Variants in SMYD3 observed in about 807,000 individuals in gnomAD.
SMYD3 encodes the protein histone-lysine N-methyltransferase SMYD3.
SMYD3 carries 36 observed loss-of-function variants against 57.7 expected under a neutral mutation model. That is an observed-to-expected ratio of 0.62 (90% CI 0.48 to 0.82). The LOEUF (loss-of-function observed/expected upper bound fraction) is 0.82, where lower values mean the gene tolerates loss of function less well. Ranked by LOEUF, SMYD3 falls within the 40% of genes least tolerant of loss-of-function variation. SMYD3 has a pLI of 0.00. For synonymous variants in SMYD3, 211 were observed against 195.0 expected (o/e 1.08, Z -0.68); for missense variants, 515 against 538.8 (o/e 0.96, Z 0.44).
chr1:246,313,816 A>G (rs1466255330), intron 5 of SMYD3, among the ~76,000 whole-genome samples: 2 of 152,254 alleles, frequency 1.3e-5, no homozygotes, highest in Non-Finnish European at 2.9e-5. Flanking sequence ...TATAGTTTAT[A>G]GCATAGAAAA....
chr1:246,236,373 A>G (rs10754498), intron 5 of SMYD3, among the ~76,000 whole-genome samples: 40,483 of 151,656 alleles, frequency 0.27, 6,095 homozygotes, highest in East Asian at 0.58. Flanking sequence ...GGGATTATAG[A>G]CACATCCCAC....
At chr1:246,260,035 A>G (rs1770009) in intron 5 of SMYD3, among the ~76,000 whole-genome samples, 41,291 of 152,084 alleles carry the variant, frequency 0.27, 6,344 homozygotes, top group East Asian at 0.58. Context: ...CTGCTGAACC[A>G]GGCAAGCAGG....
rs138243854 is a variant in SMYD3 at position 245,889,850 on chromosome 1, T to A, written c.813+25680A>T. On this transcript the variant is annotated intron_variant, in intron 8 of 11. Transcript: ENST00000490107. ...CTGACTTCAAATTATACTACAGAGC[T>A]ATAGTAACCAAAACAGCATGGTACT... 4.5e-4 allele frequency among the ~76,000 whole-genome samples: 69 copies of A among 152,262 alleles called. No homozygotes were observed. The East Asian group carries it at 7.5e-3, about 17-fold the overall frequency.
At chr1:246,005,955 G>A (rs757969311) in intron 5 of SMYD3, among the ~76,000 whole-genome samples, 5 of 152,148 alleles carry the variant, frequency 3.3e-5, no homozygotes, top group Non-Finnish European at 7.3e-5. Context: ...ATGAGATGTG[G>A]AGTTTGAGAA....
At chr1:245,867,789 C>T (rs2148506388) in intron 8 of SMYD3, among the ~76,000 whole-genome samples, 1 of 152,158 alleles carries the variant, frequency 6.6e-6, no homozygotes, top group South Asian at 2.1e-4. Context: ...AAGGTCTCAC[C>T]AAAGTGATAT....
At chr1:246,307,912 T>C (rs1228184052) in intron 5 of SMYD3, among the ~76,000 whole-genome samples, 1 of 152,182 alleles carries the variant, frequency 6.6e-6, no homozygotes, top group Non-Finnish European at 1.5e-5. Flanking sequence ...CACAAGGATC[T>C]AATCTCAACT....
intron 5 of SMYD3, among the ~76,000 whole-genome samples, chr1:246,046,020 G>A (rs896209546): frequency 1.3e-5 from 2 of 152,234 alleles, no homozygotes; most frequent in Non-Finnish European, 2.9e-5. Context: ...CTTTTACATT[G>A]TTGGTGGGAC....
At chr1:246,005,148 C>A (rs1386704501) in intron 5 of SMYD3, among the ~76,000 whole-genome samples, 3 of 152,134 alleles carry the variant, frequency 2.0e-5, no homozygotes, top group Non-Finnish European at 4.4e-5. Flanking sequence ...TGGGACTGGC[C>A]TAATTTTAAC....
chr1:245,961,462 G>A (rs1269815313), intron 5 of SMYD3, among the ~76,000 whole-genome samples: 1 of 152,074 alleles, frequency 6.6e-6, no homozygotes, highest in East Asian at 1.9e-4. Flanking sequence ...AAAGGAAGAT[G>A]CACAGCTGCA....
At chr1:246,443,160 T>C (rs1044590984) in intron 1 of SMYD3, among the ~76,000 whole-genome samples, 30 of 152,236 alleles carry the variant, frequency 2.0e-4, no homozygotes, top group African/African-American at 7.2e-4. Context: ...CTAAGAAATT[T>C]TCCTCAACCT....
chr1:246,298,907 G>A (rs761606723), intron 5 of SMYD3, among the ~76,000 whole-genome samples: 4 of 152,004 alleles, frequency 2.6e-5, no homozygotes, highest in East Asian at 1.9e-4. Flanking sequence ...TTACAAAGAG[G>A]CATTACTTAT....
intron 5 of SMYD3, among the ~76,000 whole-genome samples, chr1:246,087,070 TG>T (rs1462752484): frequency 6.6e-6 from 1 of 152,232 alleles, no homozygotes; most frequent in African/African-American, 2.4e-5. Flanking sequence ...TTCATTTTTA[TG>T]GCTGCATAGT....
chr1:246,150,205 C>A (rs1197239386), intron 5 of SMYD3, among the ~76,000 whole-genome samples: 1 of 152,190 alleles, frequency 6.6e-6, no homozygotes, highest in Admixed American at 6.5e-5. Flanking sequence ...AAATGTTACT[C>A]AAAGAAAGTA....
chr1:246,252,207 C>T (rs1471643237), intron 5 of SMYD3, among the ~76,000 whole-genome samples: 1 of 138,534 alleles, frequency 7.2e-6, no homozygotes, highest in Non-Finnish European at 1.6e-5. Context: ...CTGTGCCCGG[C>T]TTTAGTAGGT....
At chr1:246,377,867 A>T (rs2066305802) in intron 1 of SMYD3, among the ~76,000 whole-genome samples, 1 of 152,194 alleles carries the variant, frequency 6.6e-6, no homozygotes, top group Non-Finnish European at 1.5e-5. Context: ...AGGCAGCTGG[A>T]GGAATTTACA....
chr1:246,442,339 A>G (rs2103020338), intron 1 of SMYD3, among the ~76,000 whole-genome samples: 2 of 152,204 alleles, frequency 1.3e-5, no homozygotes, highest in East Asian at 3.9e-4. Flanking sequence ...GGCTGAGGTC[A>G]CGAGTTCAAG....
At chr1:246,413,274 A>G (rs1216186600) in intron 1 of SMYD3, among the ~76,000 whole-genome samples, 2 of 152,206 alleles carry the variant, frequency 1.3e-5, no homozygotes, top group Admixed American at 6.5e-5. Flanking sequence ...AAAGTCACAC[A>G]GTAAATAGTC....
At chr1:246,460,413 T>C (rs2067778872) in intron 1 of SMYD3, among the ~76,000 whole-genome samples, 1 of 152,256 alleles carries the variant, frequency 6.6e-6, no homozygotes. Flanking sequence ...ATCAATTTAC[T>C]TGTCCTGAGA....
At chr1:245,818,088 A>T (rs992801849) in intron 10 of SMYD3, among the ~76,000 whole-genome samples, 1 of 151,976 alleles carries the variant, frequency 6.6e-6, no homozygotes, top group Admixed American at 6.6e-5. Context: ...TCCAAGACAC[A>T]TAATTGTCAG....
Sources: gnomAD v4.1 joint callset for allele counts (sites outside exome capture counted in the v4.1 genomes callset) on GRCh38, gnomAD v4.1.1 for gene constraint, MANE v1.5 for transcripts, NCBI Gene and HGNC (gene_info 2026-07-23, HGNC 2026-07-21) for gene names.